Variants in SVIL observed in about 807,000 individuals in gnomAD.
The protein encoded by SVIL is supervillin.
A neutral mutation model predicts 240.4 loss-of-function variants in SVIL; 101 were observed. That is an observed-to-expected ratio of 0.42 (90% confidence interval 0.36 to 0.50). The LOEUF is 0.50. SVIL is among the 20% of genes least tolerant of loss of function. The pLI, the probability that SVIL is intolerant of heterozygous loss-of-function variation, is 0.01. For synonymous variants in SVIL, 999 were observed against 1,100.0 expected (o/e 0.91, Z 1.82); for missense variants, 2,512 against 2,818.7 (o/e 0.89, Z 2.46).
At position 29,554,877 on chromosome 10, in the gene SVIL, G is replaced by A. The variant is rs759126952; in HGVS notation, c.66C>T (p.Leu22=). Residue 22 remains leucine (L), a synonymous_variant, in exon 5 of 38, where the codon CTC becomes CTT. Coordinates refer to ENST00000355867, the MANE Select transcript of SVIL (RefSeq NM_021738.3). The stretch of plus-strand genomic sequence containing the variant: ...TCACCAATCCTGTGCAGCTCTGCAA[G>A]AGGATGGGCTGAGTGTCATTTTCAA... ...EGIENDTQPI[L]LQSCTGLVTH... is the part of the protein sequence containing the mutation. 6.2e-7 allele frequency: 1 copy of A among 1,613,896 alleles called. No individual in the cohort carries two copies.
intron 1 of SVIL, among the ~76,000 whole-genome samples, chr10:29,616,770 T>C (rs1957441682): frequency 6.6e-6 from 1 of 152,224 alleles, no homozygotes; most frequent in Admixed American, 6.5e-5. Flanking sequence ...ACACCCATGC[T>C]GGAGTGCAGT....
At chr10:29,542,455 G>A (rs193005459) in intron 6 of SVIL, among the ~76,000 whole-genome samples, 49 of 152,046 alleles carry the variant, frequency 3.2e-4, no homozygotes, top group African/African-American at 1.1e-3. Context: ...AAATCCTTAC[G>A]AAATTGCTAA....
intron 1 of SVIL, among the ~76,000 whole-genome samples, chr10:29,732,582 C>T (rs1000948510): frequency 1.3e-5 from 2 of 152,168 alleles, no homozygotes; most frequent in African/African-American, 4.8e-5. Context: ...GTTAGTTTAG[C>T]AATTTTCAGA....
At chr10:29,514,713 G>C (rs1240406375) in intron 16 of SVIL, among the ~76,000 whole-genome samples, 1 of 152,066 alleles carries the variant, frequency 6.6e-6, no homozygotes, top group African/African-American at 2.4e-5. Context: ...CATCAGCTTT[G>C]GTCCCAATTT....
upstream of SVIL, among the ~76,000 whole-genome samples, chr10:29,638,722 GA>G: frequency 6.6e-6 from 1 of 152,188 alleles, no homozygotes; most frequent in South Asian, 2.1e-4. Context: ...TACAGAATAA[GA>G]AATGGAAAGC....
chr10:29,577,144 G>T (rs1284949737), intron 1 of SVIL, among the ~76,000 whole-genome samples: 1 of 152,194 alleles, frequency 6.6e-6, no homozygotes, highest in Admixed American at 6.5e-5. Context: ...TTCCCAAAGT[G>T]CTGGGATTAC....
intron 6 of SVIL, among the ~76,000 whole-genome samples, chr10:29,540,603 A>C (rs979690607): frequency 1.3e-5 from 2 of 152,194 alleles, no homozygotes; most frequent in African/African-American, 4.8e-5. Flanking sequence ...TTCCAGAGTG[A>C]CAAGCTTCCA....
chr10:29,570,008 C>T (rs1444580712), intron 1 of SVIL, among the ~76,000 whole-genome samples: 1 of 152,190 alleles, frequency 6.6e-6, no homozygotes, highest in East Asian at 1.9e-4. Flanking sequence ...AGCATTTGTC[C>T]ACTAAGAAAA....
At chr10:29,530,498 C>T in intron 11 of SVIL, 109 bp downstream of exon 11, 1 of 1,217,238 alleles carries the variant, frequency 8.2e-7, no homozygotes, top group Non-Finnish European at 1.2e-6. Context: ...GTTGCCCAGG[C>T]TGGTCTCAAA....
rs568867261 is a variant in SVIL at position 29,595,745 on chromosome 10, G to A, written c.-200-26433C>T. Among the ~76,000 whole-genome samples the A allele has an allele frequency of 9.2e-5, 14 of 152,236 alleles. No individual in the cohort carries two copies. In the South Asian group the frequency reaches 1.0e-3, roughly 11 times the overall value. On this transcript the variant is annotated intron_variant, in intron 1 of 37. Coordinates refer to ENST00000355867, the MANE Select transcript of SVIL (RefSeq NM_021738.3). ...CGTCCAAGCAGGCAACGCGGTCTTC[G>A]GTGCCTGGTGGTTCTGTGATGGCAC...
rs544597103 is a variant in SVIL, at chr10:29,722,252, A to G, written c.-400+13499T>C. Among the ~76,000 whole-genome samples, 107 of 151,674 alleles carry G rather than the reference A, an allele frequency of 7.1e-4. 1 individual carries two copies. The highest frequency in any genetic ancestry group is 2.6e-3 in the African/African-American group (107 of 41,464). ...AAAAAAAAAAAAAGAAAGAAAGAAAAGAAAGAAAAAAAACTGCATCAGCAA... is the reference window on the plus strand; with the variant it reads ...AAAAAAAAAAAAAGAAAGAAAGAAAGGAAAGAAAAAAAACTGCATCAGCAA... On this transcript the variant is annotated intron_variant, in intron 1 of 35. Transcript: ENST00000375400.
chr10:29,669,539 G>A (rs1186263162), intron 2 of SVIL, among the ~76,000 whole-genome samples: 2 of 152,166 alleles, frequency 1.3e-5, no homozygotes, highest in Non-Finnish European at 2.9e-5. Context: ...TAGTTGCTCT[G>A]AGGAAAACAG....
intron 1 of SVIL, among the ~76,000 whole-genome samples, chr10:29,595,409 G>A (rs915594983): frequency 5.3e-5 from 8 of 152,200 alleles, no homozygotes; most frequent in Middle Eastern, 3.2e-3. Flanking sequence ...GAGGACAGGC[G>A]ATGGTGGGCT....
intron 1 of SVIL, among the ~76,000 whole-genome samples, chr10:29,612,693 A>C (rs1957289799): frequency 6.6e-6 from 1 of 152,228 alleles, no homozygotes; most frequent in Non-Finnish European, 1.5e-5. Flanking sequence ...TATGCAGTTA[A>C]GAAAAGAAAA....
intron 2 of SVIL, 71 bp from the exon 3 acceptor site, chr10:29,563,363 CA>C (rs988720323): frequency 2.7e-5 from 18 of 656,864 alleles, no homozygotes; most frequent in Non-Finnish European, 3.0e-5. Context: ...ATGCAGAACA[CA>C]AAAATTATGA....
At chr10:29,471,575 T>C (rs1049144999) in intron 30 of SVIL, among the ~76,000 whole-genome samples, 1 of 152,244 alleles carries the variant, frequency 6.6e-6, no homozygotes, top group African/African-American at 2.4e-5. Flanking sequence ...TCTGTGGTTA[T>C]TGATGTCACA....
intron 12 of SVIL, among the ~76,000 whole-genome samples, chr10:29,528,313 G>A (rs141277793): frequency 4.6e-5 from 7 of 152,296 alleles, no homozygotes; most frequent in South Asian, 4.1e-4. Flanking sequence ...TCTAACAGCA[G>A]GTCTACAGAA....
At chr10:29,650,060 A>G (rs1301104281) in intron 3 of SVIL, among the ~76,000 whole-genome samples, 1 of 152,250 alleles carries the variant, frequency 6.6e-6, no homozygotes, top group Admixed American at 6.5e-5. Context: ...CTCAGCCATC[A>G]GAACCATGAG....
At chr10:29,610,934 C>T (rs2132873527) in intron 1 of SVIL, among the ~76,000 whole-genome samples, 1 of 152,336 alleles carries the variant, frequency 6.6e-6, no homozygotes, top group East Asian at 1.9e-4. Flanking sequence ...AGGCTCTTCG[C>T]TACCCAAAGC....
Sources: allele counts gnomAD v4.1 joint callset (sites outside exome capture counted in the v4.1 genomes callset), GRCh38; gene constraint gnomAD v4.1.1; transcripts MANE v1.5; gene names NCBI Gene and HGNC (gene_info 2026-07-23, HGNC 2026-07-21).